The following ZNF385D variants were observed in gnomAD, a reference collection of about 807,000 sequenced individuals.
ZNF385D encodes zinc finger protein 659.
In ZNF385D, 15 loss-of-function variants were observed where a neutral mutation model predicts 35.8. The observed-to-expected ratio is 0.42, with a 90% CI of 0.28 to 0.64. The LOEUF (loss-of-function observed/expected upper bound fraction) is 0.64, where lower values mean the gene tolerates loss of function less well. Ranked by LOEUF, ZNF385D falls within the 30% of genes least tolerant of loss-of-function variation. The probability of loss-of-function intolerance (pLI) is 0.23; values close to 1 mark genes in which losing one functional copy is unlikely to be tolerated. For missense variants in ZNF385D, 474 were observed against 494.6 expected, an observed-to-expected ratio of 0.96 and a Z score of 0.39; for synonymous variants, 212 against 186.8, an observed-to-expected ratio of 1.13 and a Z score of -1.10.
In ZNF385D at chr3:21,437,195, C is replaced by T; in HGVS notation, c.448G>A (p.Ala150Thr). 6.2e-7 allele frequency: 1 copy of T among 1,612,924 alleles called. No individual in the cohort carries two copies. Residue 150 changes from alanine to threonine, a missense_variant, in exon 5 of 8, where the codon GCA becomes ACA. Physicochemically the swap from Ala to Thr is moderately conservative, Grantham distance 58. Coordinates refer to ENST00000281523, the MANE Select transcript of ZNF385D (RefSeq NM_024697.3). ...NTSSDKTDGT[A>T]GTPAISTTTT... ...GTCGTTGATATTGCTGGTGTCCCTG[C>T]AGTACCGTCTGTATTCAAAATAACA...
intron 2 of ZNF385D, among the ~76,000 whole-genome samples, chr3:22,281,271 T>C (rs535605194): frequency 1.2e-4 from 19 of 152,212 alleles, no homozygotes; most frequent in African/African-American, 4.8e-5. Flanking sequence ...TCCAGTACTA[T>C]GTTGAATAGA....
At chr3:21,501,962 G>A (rs1706401141) in intron 4 of ZNF385D, among the ~76,000 whole-genome samples, 1 of 151,880 alleles carries the variant, frequency 6.6e-6, no homozygotes, top group Non-Finnish European at 1.5e-5. Context: ...TAAAATCTCT[G>A]GTAAAGAAAG....
intron 3 of ZNF385D, among the ~76,000 whole-genome samples, chr3:22,123,056 C>A (rs1703184465): frequency 6.6e-6 from 1 of 151,906 alleles, no homozygotes; most frequent in African/African-American, 2.4e-5. Flanking sequence ...TTCCTTTGAG[C>A]AAAAGAAGAA....
chr3:22,368,741 C>T (rs985710563), intron 2 of ZNF385D, among the ~76,000 whole-genome samples: 4 of 152,056 alleles, frequency 2.6e-5, no homozygotes, highest in African/African-American at 7.2e-5. Flanking sequence ...TCATCTAACC[C>T]GAATCATTTC....
intron 2 of ZNF385D, among the ~76,000 whole-genome samples, chr3:22,229,986 A>G (rs902152962): frequency 6.6e-6 from 1 of 152,202 alleles, no homozygotes; most frequent in African/African-American, 2.4e-5. Context: ...CCTTCTCTGC[A>G]GAAAGTAGAA....
chr3:21,735,811 T>A (rs987146574), intron 1 of ZNF385D, among the ~76,000 whole-genome samples: 49 of 152,226 alleles, frequency 3.2e-4, no homozygotes, highest in African/African-American at 1.0e-3. Context: ...CTTGTCCTCC[T>A]CACAGTCTTT....
chr3:22,311,995 T>C lies in ZNF385D; in HGVS notation c.106+60455A>G, dbSNP rs550191963. ...GCAACAAGACAACACTTGGAGGCAT[T>C]AGAATCCTACAATTATTATTTCCTC... On this transcript the variant is annotated intron_variant, in intron 2 of 5. Coordinates refer to the ZNF385D transcript ENST00000494108. 2.6e-5 allele frequency among the ~76,000 whole-genome samples: 4 copies of C among 152,254 alleles called. No homozygotes were observed. The East Asian group carries it at 7.8e-4, about 30-fold the overall frequency.
At chr3:22,214,563 T>C (rs1197560832) in intron 2 of ZNF385D, among the ~76,000 whole-genome samples, 2 of 152,012 alleles carry the variant, frequency 1.3e-5, no homozygotes, top group Admixed American at 6.6e-5. Flanking sequence ...GCAAGGAACA[T>C]TCCTGAGAAA....
chr3:22,197,485 A>T (rs1407787871), intron 2 of ZNF385D, among the ~76,000 whole-genome samples: 1 of 152,030 alleles, frequency 6.6e-6, no homozygotes, highest in Non-Finnish European at 1.5e-5. Context: ...TTTGATTTTG[A>T]CGTATTTGTT....
intron 3 of ZNF385D, chr3:22,134,524 A>G (rs931213846): frequency 6.6e-6 from 1 of 152,206 alleles, no homozygotes; most frequent in South Asian, 2.1e-4. Flanking sequence ...ACTGACAATT[A>G]CAGAACACTC....
chr3:21,541,044 A>G (rs1017489938), intron 3 of ZNF385D, among the ~76,000 whole-genome samples: 1 of 152,210 alleles, frequency 6.6e-6, no homozygotes, highest in Non-Finnish European at 1.5e-5. Flanking sequence ...TGTTGGGTGT[A>G]AGTACAGTGT....
intron 3 of ZNF385D, among the ~76,000 whole-genome samples, chr3:22,098,601 C>A (rs1576316476): frequency 6.6e-6 from 1 of 151,948 alleles, no homozygotes; most frequent in Non-Finnish European, 1.5e-5. Context: ...TTTGAATAGT[C>A]CACATTTGAA....
chr3:21,943,566 AG>A (rs1701637631), intron 3 of ZNF385D, among the ~76,000 whole-genome samples: 1 of 134,676 alleles, frequency 7.4e-6, no homozygotes, highest in Non-Finnish European at 1.6e-5. Flanking sequence ...AAATTATAAA[AG>A]AAAAATAGCA....
At chr3:22,219,610 G>A (rs1698129994) in intron 2 of ZNF385D, among the ~76,000 whole-genome samples, 1 of 152,144 alleles carries the variant, frequency 6.6e-6, no homozygotes, top group Non-Finnish European at 1.5e-5. Context: ...GACTAGATGT[G>A]TTTTGGTGTT....
intron 3 of ZNF385D, among the ~76,000 whole-genome samples, chr3:21,519,329 C>T (rs2125496340): frequency 6.6e-6 from 1 of 152,246 alleles, no homozygotes. Context: ...AAAAAATAGT[C>T]TAGATGGGGT....
At chr3:22,328,390 TC>T (rs1439117137) in intron 2 of ZNF385D, among the ~76,000 whole-genome samples, 1 of 152,196 alleles carries the variant, frequency 6.6e-6, no homozygotes, top group Non-Finnish European at 1.5e-5. Context: ...TTTCTATACT[TC>T]TGATGTTAGT....
At chr3:21,463,022 G>A (rs1433409016) in intron 4 of ZNF385D, among the ~76,000 whole-genome samples, 2 of 151,834 alleles carry the variant, frequency 1.3e-5, no homozygotes, top group African/African-American at 4.8e-5. Flanking sequence ...AAAACCTAAA[G>A]AGGCAATACC....
At position 22,039,374 on chromosome 3, in the gene ZNF385D, T is replaced by G. The variant is rs188212476; in HGVS notation, c.325+129443A>C. Among the ~76,000 whole-genome samples, 404 of 152,130 alleles carry G rather than the reference T, an allele frequency of 2.7e-3. 2 individuals carry two copies. Among genetic ancestry groups the G allele is most frequent in the African/African-American group, 9.3e-3 (384 of 41,508 alleles). On this transcript the variant is annotated intron_variant, in intron 3 of 5. Transcript: ENST00000494108. ...CAGGCCTGATAGCATCACACCCCAG[T>G]TTTAACATTTTCAGTGGCTTCTCAA...
chr3:22,035,261 T>A (rs1698244927), intron 3 of ZNF385D, among the ~76,000 whole-genome samples: 1 of 152,214 alleles, frequency 6.6e-6, no homozygotes, highest in East Asian at 1.9e-4. Flanking sequence ...AACCTTGTCC[T>A]CATAGGTCAA....
Sources: gnomAD v4.1 joint callset for allele counts (sites outside exome capture counted in the v4.1 genomes callset) on GRCh38, gnomAD v4.1.1 for gene constraint, MANE v1.5 for transcripts, NCBI Gene and HGNC (gene_info 2026-07-23, HGNC 2026-07-21) for gene names.